The following MAPK10 variants were observed in gnomAD, a reference collection of about 807,000 sequenced individuals.
MAPK10 encodes the protein JNK3 alpha protein kinase.
In MAPK10, 25 loss-of-function variants were observed where a neutral mutation model predicts 59.3. The ratio of observed to expected loss-of-function variants is 0.42; its 90% CI spans 0.31 to 0.59. The LOEUF (loss-of-function observed/expected upper bound fraction) is 0.59. MAPK10 is among the 20% of genes least tolerant of loss of function. The pLI is 0.15. For synonymous variants in MAPK10, 190 were observed against 200.5 expected, an observed-to-expected ratio of 0.95 and a Z score of 0.44; for missense variants, 351 against 568.9, an observed-to-expected ratio of 0.62 and a Z score of 3.90.
intron 4 of MAPK10, chr4:86,125,364 TAA>T (rs751550647): frequency 2.1e-4 from 32 of 152,164 alleles, no homozygotes; most frequent in Admixed American, 5.9e-4. Context: ...GCAATTCATA[TAA>T]GTTATAAAAT....
At chr4:86,304,763 A>AT (rs1298864864) in intron 2 of MAPK10, among the ~76,000 whole-genome samples, 1 of 151,938 alleles carries the variant, frequency 6.6e-6, no homozygotes, top group East Asian at 1.9e-4. Flanking sequence ...CATTTTTAAT[A>AT]TTTTTTTCAC....
chr4:86,567,641 CTG>C (rs1399956124), intron 1 of MAPK10, among the ~76,000 whole-genome samples: 1 of 152,210 alleles, frequency 6.6e-6, no homozygotes, highest in African/African-American at 2.4e-5. Flanking sequence ...TGTAACAAAA[CTG>C]TACTTGTACC....
Position 86,334,216 on chromosome 4 carries a change from G to A in MAPK10, c.-7+20314C>T, listed in dbSNP as rs139784482. Among the ~76,000 whole-genome samples the A allele has an allele frequency of 6.5e-4, 99 of 152,228 alleles. 1 individual carries two copies. The highest frequency in any genetic ancestry group is 3.4e-3 in the Middle Eastern group (1 of 294). On this transcript the variant is annotated intron_variant, in intron 2 of 13. Coordinates refer to ENST00000641462, the MANE Select transcript of MAPK10 (RefSeq NM_138982.4). ...ATCCAAGCCAGAAAGCAAGAATCAT[G>A]CCTGACTGTCATTCCCCTCATCTTC...
At chr4:86,212,221 A>T (rs2086039354) in intron 2 of MAPK10, among the ~76,000 whole-genome samples, 1 of 152,156 alleles carries the variant, frequency 6.6e-6, no homozygotes, top group Admixed American at 6.5e-5. Context: ...ATCCAAAGAC[A>T]GAAATAGACT....
At chr4:86,356,443 T>A in intron 1 of MAPK10, 1 of 720,614 alleles carries the variant, frequency 1.4e-6, no homozygotes, top group Non-Finnish European at 1.7e-6. Flanking sequence ...TGTTTATATT[T>A]AGTGATTTTC....
In MAPK10 at chr4:86,064,147, T is replaced by C. The variant is rs560449234; in HGVS notation, c.1110+119A>G. ...TTTTAGAGGGGCAGATAATAGGCTT[T>C]GGACTTAGAAATTTTATAAAAATCC... On this transcript the variant is annotated intron_variant, in intron 11 of 13. Transcript: ENST00000641462. The C allele has an allele frequency of 1.8e-4, 230 of 1,285,968 alleles. 1 individual carries two copies. In the East Asian group the frequency reaches 5.2e-3, roughly 29 times the overall value. 79.7% of individuals were successfully genotyped at this position (1,285,968 alleles called of 1,614,324 possible).
At chr4:86,021,997 A>AG (rs1387584994) in intron 13 of MAPK10, among the ~76,000 whole-genome samples, 1 of 151,892 alleles carries the variant, frequency 6.6e-6, no homozygotes, top group Non-Finnish European at 1.5e-5. Context: ...CTCCCTCCAC[A>AG]CCTCCCTGCA....
intron 4 of MAPK10, among the ~76,000 whole-genome samples, chr4:86,110,798 A>G (rs951973864): frequency 2.0e-5 from 3 of 152,140 alleles, no homozygotes; most frequent in African/African-American, 7.2e-5. Flanking sequence ...TGGGAATTGC[A>G]TTGAATCTAT....
chr4:86,455,822 C>T (rs1024710043), upstream of MAPK10, among the ~76,000 whole-genome samples: 2 of 152,124 alleles, frequency 1.3e-5, no homozygotes, highest in African/African-American at 4.8e-5. Flanking sequence ...CAGATATTTA[C>T]AGGACATTCT....
chr4:86,464,983 G>A (rs1752070994), intron 1 of MAPK10, among the ~76,000 whole-genome samples: 1 of 152,152 alleles, frequency 6.6e-6, no homozygotes, highest in South Asian at 2.1e-4. Context: ...AATGTCTCTG[G>A]TCTCAAACAC....
chr4:86,383,885 T>C (rs2149003238), intron 1 of MAPK10, among the ~76,000 whole-genome samples: 1 of 152,330 alleles, frequency 6.6e-6, no homozygotes, highest in African/African-American at 2.4e-5. Flanking sequence ...GTGACTAACA[T>C]GCATATTAAT....
intron 2 of MAPK10, among the ~76,000 whole-genome samples, chr4:86,269,066 T>C (rs2094348271): frequency 6.6e-6 from 1 of 152,158 alleles, no homozygotes; most frequent in Admixed American, 6.6e-5. Flanking sequence ...AAATGCACCT[T>C]TCTGGGCTCA....
chr4:86,506,706 T>C (rs1241508601), intron 1 of MAPK10, among the ~76,000 whole-genome samples: 1 of 152,110 alleles, frequency 6.6e-6, no homozygotes, highest in Non-Finnish European at 1.5e-5. Flanking sequence ...TGGAGCCTAA[T>C]CTAGCTGGAA....
At chr4:86,540,331 T>C (rs546663196) in intron 1 of MAPK10, among the ~76,000 whole-genome samples, 1 of 152,286 alleles carries the variant, frequency 6.6e-6, no homozygotes, top group African/African-American at 2.4e-5. Flanking sequence ...AAACTCTGTC[T>C]GTACGAAAAA....
chr4:86,440,096 C>G (rs955369677), intron 1 of MAPK10, among the ~76,000 whole-genome samples: 1 of 152,150 alleles, frequency 6.6e-6, no homozygotes, highest in Non-Finnish European at 1.5e-5. Context: ...CAAAACAGCA[C>G]AGGCACTAAA....
chr4:86,116,137 A>G (rs947289048), intron 4 of MAPK10, among the ~76,000 whole-genome samples: 2 of 152,222 alleles, frequency 1.3e-5, no homozygotes, highest in Non-Finnish European at 2.9e-5. Context: ...ATATCAAAAG[A>G]AAGAATGGCA....
chr4:86,070,672 G>C (rs1309110313), intron 9 of MAPK10, among the ~76,000 whole-genome samples: 1 of 150,882 alleles, frequency 6.6e-6, no homozygotes, highest in East Asian at 2.0e-4. Flanking sequence ...ATAGTTTACT[G>C]AGAATGATGA....
rs139132076 is a variant in MAPK10 at position 86,173,243 on chromosome 4, A to G, written c.67-13776T>C. Among the ~76,000 whole-genome samples, 1,252 of 152,338 alleles carry G rather than the reference A, an allele frequency of 8.2e-3. 15 individuals are homozygous for G. The highest frequency in any genetic ancestry group is 0.028 in the African/African-American group (1,183 of 41,580). On this transcript the variant is annotated intron_variant, in intron 3 of 13. Transcript: ENST00000641462. The stretch of plus-strand genomic sequence containing the variant: ...CTATACTACAAGGCTGCAGTAATCT[A>G]AACAGTAGAATACGAGTATAAAAAC...
At chr4:86,052,027 T>G (rs2043640253) in intron 11 of MAPK10, among the ~76,000 whole-genome samples, 1 of 151,980 alleles carries the variant, frequency 6.6e-6, no homozygotes, top group African/African-American at 2.4e-5. Context: ...TTTCTATTTC[T>G]TGAAAAAAAA....
Sources: gnomAD v4.1 joint callset for allele counts (sites outside exome capture counted in the v4.1 genomes callset) on GRCh38, gnomAD v4.1.1 for gene constraint, MANE v1.5 for transcripts, NCBI Gene and HGNC (gene_info 2026-07-23, HGNC 2026-07-21) for gene names.